The following ADAMTSL1 variants were observed in gnomAD, a reference collection of about 807,000 sequenced individuals.
ADAMTSL1 encodes ADAMTS-like protein 1.
ADAMTSL1 carries 126 observed loss-of-function variants against 201.8 expected under a neutral mutation model. That is an observed-to-expected ratio of 0.62 (90% CI 0.54 to 0.72). The LOEUF is 0.72. Ranked by LOEUF, ADAMTSL1 falls within the 30% of genes least tolerant of loss-of-function variation. The pLI, the probability that ADAMTSL1 is intolerant of heterozygous loss-of-function variation, is 0.00. For synonymous variants in ADAMTSL1, 1,121 were observed against 903.4 expected, an observed-to-expected ratio of 1.24 and a Z score of -4.32; for missense variants, 2,679 against 2,277.8, an observed-to-expected ratio of 1.18 and a Z score of -3.59.
chr9:18,753,318 G>A lies in ADAMTSL1; in HGVS notation c.2027G>A (p.Ser676Asn). The A allele has an allele frequency of 6.2e-7, 1 of 1,611,874 alleles. No individual in the cohort carries two copies. Among genetic ancestry groups the A allele is most frequent in the Non-Finnish European group, 8.5e-7 (1 of 1,179,130 alleles). ...CPARWEIGKW[S>N]PCSLTCGVGL... is the part of the protein sequence containing the mutation. Reference sequence around the variant, plus strand: ...CTCAGGTGGGAAATTGGCAAGTGGAGTCCATGTAGTCTCACATGTGGGGTC... The same window carrying A: ...CTCAGGTGGGAAATTGGCAAGTGGAATCCATGTAGTCTCACATGTGGGGTC... The change falls in exon 16 of 29, where the codon AGT becomes AAT. Residue 676 changes from serine to asparagine, a missense_variant. By Grantham distance (46) the Ser-to-Asn change is conservative. Coordinates refer to ENST00000380548, the MANE Select transcript of ADAMTSL1 (RefSeq NM_001040272.6).
chr9:18,901,402 G>T (rs1056201399), intron 26 of ADAMTSL1, among the ~76,000 whole-genome samples: 1 of 148,344 alleles, frequency 6.7e-6, no homozygotes, highest in Non-Finnish European at 1.5e-5. Context: ...ATTAAAACCA[G>T]TATTATTTTG....
At chr9:18,462,369 A>G (rs1820838646) in intron 2 of ADAMTSL1, among the ~76,000 whole-genome samples, 1 of 152,346 alleles carries the variant, frequency 6.6e-6, no homozygotes, top group Non-Finnish European at 1.5e-5. Flanking sequence ...GCTGAGCCCT[A>G]TGCTACATAC....
In ADAMTSL1 at chr9:18,909,744, C is replaced by T. The variant is rs117845166; in HGVS notation, c.*1196C>T. 2,268 of 152,312 alleles carry T rather than the reference C, an allele frequency of 0.015. 32 individuals are homozygous for T. Among genetic ancestry groups the T allele is most frequent in the Non-Finnish European group, 0.024 (1,652 of 68,072 alleles). 9.4% of individuals were successfully genotyped at this position (152,312 alleles called of 1,614,324 possible). On this transcript the variant is annotated 3_prime_UTR_variant, in exon 29 of 29. Transcript: ENST00000380548. The stretch of plus-strand genomic sequence containing the variant: ...GGTGGGACAATGGGTTTATGCGTGT[C>T]CACAGTACACCCTCCCTCTCCCAGC...
intron 2 of ADAMTSL1, among the ~76,000 whole-genome samples, chr9:18,319,750 G>T (rs748719405): frequency 6.6e-6 from 1 of 152,150 alleles, no homozygotes; most frequent in Non-Finnish European, 1.5e-5. Context: ...AGAGTCTATG[G>T]TTGGCAGAAT....
chr9:18,255,683 A>C (rs1199314602), intron 2 of ADAMTSL1, among the ~76,000 whole-genome samples: 2 of 152,254 alleles, frequency 1.3e-5, no homozygotes, highest in Non-Finnish European at 2.9e-5. Context: ...GAGACAGGTG[A>C]AAATGAGGAC....
chr9:18,622,448 C>G, intron 5 of ADAMTSL1, 79 bp downstream of exon 5: 1 of 1,591,316 alleles, frequency 6.3e-7, no homozygotes, highest in Non-Finnish European at 8.6e-7. Context: ...CACTAAACAG[C>G]CAGGGAACAA....
intron 2 of ADAMTSL1, among the ~76,000 whole-genome samples, chr9:18,403,235 G>C (rs1388427672): frequency 6.6e-6 from 1 of 151,752 alleles, no homozygotes; most frequent in Non-Finnish European, 1.5e-5. Flanking sequence ...CCAGGCTGGA[G>C]TGCAGTAGCA....
chr9:18,822,296 A>G (rs1824259063), intron 21 of ADAMTSL1, among the ~76,000 whole-genome samples: 1 of 152,180 alleles, frequency 6.6e-6, no homozygotes, highest in Non-Finnish European at 1.5e-5. Context: ...GCTTCTCAAC[A>G]AGAAAGAGCT....
intron 23 of ADAMTSL1, among the ~76,000 whole-genome samples, chr9:18,851,414 T>C (rs1296499604): frequency 6.6e-6 from 1 of 152,146 alleles, no homozygotes. Context: ...AGCAAATCCA[T>C]ACAGGTCTGC....
chr9:18,239,222 T>C (rs989368999), intron 2 of ADAMTSL1, among the ~76,000 whole-genome samples: 1 of 152,202 alleles, frequency 6.6e-6, no homozygotes, highest in Admixed American at 6.5e-5. Context: ...CAATGCAATT[T>C]GTCACATCAG....
chr9:18,896,834 G>A (rs1829666982), intron 26 of ADAMTSL1, among the ~76,000 whole-genome samples: 1 of 152,120 alleles, frequency 6.6e-6, no homozygotes. Flanking sequence ...AGAGACCCAG[G>A]AGTCTTTCAG....
intron 23 of ADAMTSL1, among the ~76,000 whole-genome samples, chr9:18,877,493 A>C (rs1173288063): frequency 2.0e-5 from 3 of 151,920 alleles, no homozygotes; most frequent in African/African-American, 7.3e-5. Context: ...AGTGATAGTT[A>C]TTTCTCTTCT....
intron 1 of ADAMTSL1, among the ~76,000 whole-genome samples, chr9:18,040,588 G>C (rs1284013): frequency 0.046 from 7,058 of 152,264 alleles, 223 homozygotes; most frequent in Non-Finnish European, 0.07. Flanking sequence ...ACCTTGATGT[G>C]AATATTACTG....
chr9:18,907,037 T>A (rs750162122), intron 28 of ADAMTSL1, 125 bp downstream of exon 28: 2 of 1,090,966 alleles, frequency 1.8e-6, no homozygotes, highest in South Asian at 1.5e-5. Flanking sequence ...TGTGAGCTGG[T>A]GGTGGAGTTG....
At chr9:18,286,873 C>T (rs1466944016) in intron 2 of ADAMTSL1, among the ~76,000 whole-genome samples, 2 of 152,056 alleles carry the variant, frequency 1.3e-5, no homozygotes, top group African/African-American at 4.8e-5. Context: ...CTTCAATCTC[C>T]CTTAAATAAC....
intron 1 of ADAMTSL1, among the ~76,000 whole-genome samples, chr9:18,486,550 C>T (rs1273338725): frequency 2.0e-5 from 3 of 152,040 alleles, no homozygotes; most frequent in Non-Finnish European, 2.9e-5. Flanking sequence ...AGAAAAAATG[C>T]AAAAATTGGA....
chr9:18,710,020 G>A (rs547348080), intron 14 of ADAMTSL1, among the ~76,000 whole-genome samples: 2 of 152,112 alleles, frequency 1.3e-5, no homozygotes, highest in African/African-American at 4.8e-5. Context: ...AGCTCTTTTG[G>A]AAAGAGCACA....
intron 7 of ADAMTSL1, among the ~76,000 whole-genome samples, chr9:18,644,656 C>T (rs908343227): frequency 6.0e-5 from 9 of 150,350 alleles, no homozygotes; most frequent in Non-Finnish European, 1.0e-4. Flanking sequence ...TTTGTCCTTG[C>T]GATAGTTTAC....
intron 2 of ADAMTSL1, among the ~76,000 whole-genome samples, chr9:18,435,240 A>T (rs1340567963): frequency 6.6e-6 from 1 of 152,236 alleles, no homozygotes; most frequent in Non-Finnish European, 1.5e-5. Flanking sequence ...TAAAAAGATG[A>T]AAATACATGG....
Sources: allele counts gnomAD v4.1 joint callset (sites outside exome capture counted in the v4.1 genomes callset), GRCh38; gene constraint gnomAD v4.1.1; transcripts MANE v1.5; gene names NCBI Gene and HGNC (gene_info 2026-07-23, HGNC 2026-07-21).